The following CREBBP variants were observed in gnomAD, a reference collection of about 807,000 sequenced individuals.
CREBBP encodes CREB-binding protein.
CREBBP carries 19 observed loss-of-function variants against 265.0 expected under a neutral mutation model. That is an observed-to-expected ratio of 0.07 (90% CI 0.05 to 0.11). The LOEUF is 0.11. Among genes scored for constraint, CREBBP ranks in the 10% least tolerant of loss-of-function variants. The pLI is 1.00. For missense variants in CREBBP, 2,525 were observed against 3,219.0 expected (o/e 0.78, Z 5.22); for synonymous variants, 1,457 against 1,223.7 (o/e 1.19, Z -3.98).
At chr16:3,812,052 A>T (rs780509725) in intron 2 of CREBBP, among the ~76,000 whole-genome samples, 8 of 151,982 alleles carry the variant, frequency 5.3e-5, no homozygotes, top group Admixed American at 1.3e-4. Flanking sequence ...GGGCAGGAGG[A>T]GGTGGCAGGA....
At chr16:3,736,357 CAT>C (rs1200702243) in intron 27 of CREBBP, among the ~76,000 whole-genome samples, 154 bp from the exon 28 acceptor site, 1 of 151,710 alleles carries the variant, frequency 6.6e-6, no homozygotes, top group Non-Finnish European at 1.5e-5. Flanking sequence ...GACCCCCACA[CAT>C]GTGCACCCCC....
intron 2 of CREBBP, among the ~76,000 whole-genome samples, chr16:3,840,117 G>C (rs1312332336): frequency 6.6e-6 from 1 of 152,112 alleles, no homozygotes; most frequent in Non-Finnish European, 1.5e-5. Context: ...AACTATTTTT[G>C]TTGTGATCTT....
chr16:3,848,079 A>G (rs748284374), intron 2 of CREBBP, among the ~76,000 whole-genome samples: 1 of 152,018 alleles, frequency 6.6e-6, no homozygotes, highest in Admixed American at 6.6e-5. Context: ...CTGAGGCAGG[A>G]CAATCACTTG....
intron 5 of CREBBP, among the ~76,000 whole-genome samples, chr16:3,790,436 G>A (rs570664316): frequency 1.5e-5 from 2 of 133,544 alleles, no homozygotes; most frequent in South Asian, 2.3e-4. Context: ...GTGCACTGGC[G>A]TGATCTCGGC....
chr16:3,815,897 TC>T (rs1426606449), intron 2 of CREBBP, among the ~76,000 whole-genome samples: 1 of 152,104 alleles, frequency 6.6e-6, no homozygotes, highest in African/African-American at 2.4e-5. Flanking sequence ...TCTTATTCAT[TC>T]TTTTTTTTTG....
At position 3,810,707 on chromosome 16, in the gene CREBBP, T is replaced by C; in HGVS notation, c.871A>G (p.Thr291Ala). The C allele has an allele frequency of 6.2e-7, 1 of 1,613,932 alleles. No homozygotes were observed. The highest frequency in any genetic ancestry group is 1.1e-5 in the South Asian group (1 of 91,066). Residue 291 changes from threonine to alanine, a missense_variant, in exon 3 of 31, where the codon ACT becomes GCT. Transcript: ENST00000262367. Reference protein sequence around the residue: ...SQAGGQPMGATGVNPQLASKQ... With the variant: ...SQAGGQPMGAAGVNPQLASKQ... Reference sequence around the variant, plus strand: ...CTGGCTAACTGGGGGTTCACTCCAGTGGCTCCCATTGGCTGCCCTCCAGCT... The same window carrying C: ...CTGGCTAACTGGGGGTTCACTCCAGCGGCTCCCATTGGCTGCCCTCCAGCT...
Position 3,729,380 on chromosome 16 carries a change from C to T in CREBBP, c.5667G>A (p.Pro1889=), listed in dbSNP as rs377023934. 2.3e-5 allele frequency: 37 copies of T among 1,609,506 alleles called. No homozygotes were observed. The African/African-American group carries it at 2.7e-4, about 12-fold the overall frequency. The stretch of plus-strand genomic sequence containing the variant: ...TGGGCTGCTGTGTGGGGGTCCCGGG[C>T]GGTGCTGAGGTAGGAGAAGGCAGAC... ...QQSLPSPTSA[P]PGTPTQQPST... is the part of the protein sequence containing the mutation. Residue 1889 remains proline (P), a synonymous_variant, in exon 31 of 31, where the codon CCG becomes CCA. Coordinates refer to ENST00000262367, the MANE Select transcript of CREBBP (RefSeq NM_004380.3).
At chr16:3,738,489 T>C in intron 26 of CREBBP, 70 bp downstream of exon 26, 1 of 935,820 alleles carries the variant, frequency 1.1e-6, no homozygotes, top group South Asian at 1.4e-5. Flanking sequence ...TACCCATTAT[T>C]TCACGGAATA....
intron 19 of CREBBP, among the ~76,000 whole-genome samples, chr16:3,756,447 C>T (rs928282816): frequency 6.6e-6 from 1 of 152,252 alleles, no homozygotes; most frequent in Admixed American, 6.5e-5. Flanking sequence ...ACAAAAAATA[C>T]TATTCTCACT....
chr16:3,729,753 TG>T lies in CREBBP; in HGVS notation c.5293del (p.Gln1765ArgfsTer6). 6.2e-7 allele frequency: 1 copy of T among 1,608,696 alleles called. No individual in the cohort carries two copies. ...CTGGATGCTCAGCCGGCGTGACTCC[TG>T]GGGGCTCTTTGACTGTGGCTCGCCC... ...SQGEPQSKSP[Q>X]ESRRLSIQRC... On this transcript the variant is annotated frameshift_variant, in exon 31 of 31. Coordinates refer to ENST00000262367, the MANE Select transcript of CREBBP (RefSeq NM_004380.3). LOFTEE classifies it high-confidence loss of function.
In CREBBP at chr16:3,727,314, C is replaced by T. The variant is rs1253638241; in HGVS notation, c.*404G>A. ...GGAATCAGTTCTGAATATTATTTTT[C>T]TTCTTACTTTTAAACATAAATGTTT... On this transcript the variant is annotated 3_prime_UTR_variant, in exon 31 of 31. Transcript: ENST00000262367. The T allele has an allele frequency of 3.8e-6, 1 of 265,446 alleles. No individual in the cohort carries two copies. Among genetic ancestry groups the T allele is most frequent in the East Asian group, 5.9e-5 (1 of 16,928 alleles). The allele number at this position is 265,446 out of a possible 1,614,324, so 16.4% of individuals were successfully genotyped here. A position where few individuals can be genotyped will look rare whatever the true frequency, so the allele number is the denominator to read the frequency against.
rs9932705 is a variant in CREBBP, at chr16:3,869,315, C to T, written c.85+10517G>A. Among the ~76,000 whole-genome samples, 21 of 152,176 alleles carry T rather than the reference C, an allele frequency of 1.4e-4. No homozygotes were observed. In the East Asian group the frequency reaches 1.7e-3, roughly 13 times the overall value. On this transcript the variant is annotated intron_variant, in intron 1 of 30. Coordinates refer to ENST00000262367, the MANE Select transcript of CREBBP (RefSeq NM_004380.3). ...GGGGCCTGTCACATCCCCACTGGAT[C>T]GCCAGGGCCTACATCACAGCATAAC...
At chr16:3,801,962 C>T (rs1427644082) in intron 3 of CREBBP, among the ~76,000 whole-genome samples, 1 of 151,964 alleles carries the variant, frequency 6.6e-6, no homozygotes, top group Admixed American at 6.6e-5. Context: ...TCACTGAGCC[C>T]ACTCACCCCA....
Position 3,725,351 on chromosome 16 carries a change from C to G in CREBBP, c.*2367G>C, listed in dbSNP as rs117551000. On this transcript the variant is annotated 3_prime_UTR_variant, in exon 31 of 31. Coordinates refer to ENST00000262367, the MANE Select transcript of CREBBP (RefSeq NM_004380.3). The stretch of plus-strand genomic sequence containing the variant: ...CATAACGTTTTGAATTCCAGGATAA[C>G]CTGAAACAGAGGCCCCTCCACTGCC... The G allele has an allele frequency of 2.4e-3, 568 of 233,314 alleles. 12 individuals carry two copies. The East Asian group carries it at 0.032, about 13-fold the overall frequency. 14.5% of individuals were successfully genotyped at this position (233,314 alleles called of 1,614,324 possible).
chr16:3,849,443 G>GA (rs2054765033), intron 2 of CREBBP, among the ~76,000 whole-genome samples: 1 of 20,066 alleles, frequency 5.0e-5, no homozygotes, highest in African/African-American at 8.8e-5. Context: ...GTGTGTGTGT[G>GA]TGTGTGTGTG....
At chr16:3,770,013 G>A (rs1227862101) in intron 14 of CREBBP, among the ~76,000 whole-genome samples, 1 of 152,128 alleles carries the variant, frequency 6.6e-6, no homozygotes, top group Non-Finnish European at 1.5e-5. Context: ...TGGGAATACA[G>A]GCACCAGCCA....
At chr16:3,803,462 G>T (rs954011799) in intron 3 of CREBBP, among the ~76,000 whole-genome samples, 1 of 151,794 alleles carries the variant, frequency 6.6e-6, no homozygotes, top group Non-Finnish European at 1.5e-5. Flanking sequence ...CCAAGATCGC[G>T]CCACTGCACT....
At chr16:3,848,932 T>C (rs1418721176) in intron 2 of CREBBP, among the ~76,000 whole-genome samples, 1 of 152,234 alleles carries the variant, frequency 6.6e-6, no homozygotes, top group African/African-American at 2.4e-5. Context: ...TTCATCTTCA[T>C]TTCTTAAGTT....
intron 5 of CREBBP, among the ~76,000 whole-genome samples, chr16:3,785,932 G>C (rs957581578): frequency 2.0e-5 from 3 of 152,140 alleles, no homozygotes; most frequent in African/African-American, 7.2e-5. Flanking sequence ...ACATCCCCTA[G>C]TCTCACCACC....
Sources: allele counts gnomAD v4.1 joint callset (sites outside exome capture counted in the v4.1 genomes callset), GRCh38; gene constraint gnomAD v4.1.1; transcripts MANE v1.5; gene names NCBI Gene and HGNC (gene_info 2026-07-23, HGNC 2026-07-21).